PRPF31: variants seen among roughly 807,000 people sequenced by gnomAD.
The protein encoded by PRPF31 is U4/U6 small nuclear ribonucleoprotein Prp31.
In PRPF31, 12 loss-of-function variants were observed where a neutral mutation model predicts 60.4. The ratio of observed to expected loss-of-function variants is 0.20; its 90% CI spans 0.13 to 0.32. The LOEUF is 0.32. Ranked by LOEUF, PRPF31 falls within the 10% of genes least tolerant of loss-of-function variation. The pLI is 1.00. For synonymous variants in PRPF31, 287 were observed against 287.9 expected, an observed-to-expected ratio of 1.00 and a Z score of 0.03; for missense variants, 431 against 687.1, an observed-to-expected ratio of 0.63 and a Z score of 4.17.
intron 8 of PRPF31, chr19:54,124,977 G>A (rs1288264476): frequency 2.0e-6 from 1 of 507,512 alleles, no homozygotes; most frequent in Non-Finnish European, 3.6e-6. Context: ...CCTAGCTCAC[G>A]ACAAGCAGCG....
intron 1 of PRPF31, 65 bp from the exon 2 acceptor site, chr19:54,118,206 C>T (rs1352622612): frequency 9.3e-6 from 15 of 1,609,652 alleles, no homozygotes; most frequent in Middle Eastern, 2.3e-4. Context: ...GGAGAATCAT[C>T]GCTCAGTAAT....
At chr19:54,122,951 G>A in intron 5 of PRPF31, 1 of 482,634 alleles carries the variant, frequency 2.1e-6, no homozygotes, top group South Asian at 2.1e-5. Flanking sequence ...GAACAAGTGG[G>A]GAGGAAGTGA....
chr19:54,128,066 T>A lies in PRPF31; in HGVS notation c.946-7T>A. ...CAGCTGCAGGACCTCCCCCTCGCCC[T>A]CCCCAGGTGGGCTACGAACTGAAGG... On this transcript the variant is annotated splice_region_variant and splice_polypyrimidine_tract_variant and intron_variant, in intron 9 of 13. Transcript: ENST00000321030. 2 of 1,548,400 alleles carry A rather than the reference T, an allele frequency of 1.3e-6. No individual in the cohort carries two copies. Among genetic ancestry groups the A allele is most frequent in the Non-Finnish European group, 1.7e-6 (2 of 1,146,772 alleles).
In PRPF31 at chr19:54,131,653, C is replaced by G; in HGVS notation, c.*221C>G. Reference sequence around the variant, plus strand: ...AGAGCAGGTCTTCATCATGCCTTGTCTTTTTTAACTGAGAAAGGAGATTTT... The same window carrying G: ...AGAGCAGGTCTTCATCATGCCTTGTGTTTTTTAACTGAGAAAGGAGATTTT... On this transcript the variant is annotated 3_prime_UTR_variant, in exon 14 of 14. Transcript: ENST00000321030. The G allele has an allele frequency of 1.6e-6, 1 of 629,622 alleles. No homozygotes were observed. Among genetic ancestry groups the G allele is most frequent in the Non-Finnish European group, 2.8e-6 (1 of 360,598 alleles). 39.0% of individuals were successfully genotyped at this position (629,622 alleles called of 1,614,324 possible).
chr19:54,123,905 C>T lies in PRPF31; in HGVS notation c.684C>T (p.Ala228=), dbSNP rs181492006. ...NLSIIIGAST[A]AKIMGVAGGL... The stretch of plus-strand genomic sequence containing the variant: ...CCATCATTATCGGGGCATCCACGGC[C>T]GCCAAGATCATGGGTGAGTCCCCGG... Residue 228 remains alanine (A), a synonymous_variant, in exon 7 of 14, where the codon GCC becomes GCT. Coordinates refer to ENST00000321030, the MANE Select transcript of PRPF31 (RefSeq NM_015629.4). The T allele has an allele frequency of 3.0e-5, 49 of 1,613,790 alleles. No homozygotes were observed. Among genetic ancestry groups the T allele is most frequent in the Middle Eastern group, 1.7e-4 (1 of 6,060 alleles).
At position 54,131,391 on chromosome 19, in the gene PRPF31, C is replaced by G. The variant is rs1568603254; in HGVS notation, c.1459C>G (p.Leu487Val). The G allele has an allele frequency of 6.2e-7, 1 of 1,614,114 alleles. No individual in the cohort carries two copies. ...QKYFSSMAEF[L>V]KVKGEKSGLM... ...GTATTTCTCCAGCATGGCTGAGTTC[C>G]TCAAGGTCAAGGGCGAGAAGAGTGG... is the stretch of plus-strand genomic sequence containing the variant. The change falls in exon 14 of 14, where the codon CTC becomes GTC. Residue 487 changes from leucine to valine, a missense_variant. By Grantham distance (32) the Leu-to-Val change is conservative. Around this residue, in one of 4 missense-constraint regions of PRPF31, gnomAD observed 314 missense variants for 475.3 expected, o/e 0.66. Coordinates refer to ENST00000321030, the MANE Select transcript of PRPF31 (RefSeq NM_015629.4).
intron 13 of PRPF31, 115 bp from the exon 14 acceptor site, chr19:54,131,192 T>C (rs1160746837): frequency 3.5e-6 from 5 of 1,437,446 alleles, no homozygotes; most frequent in Non-Finnish European, 4.9e-6. Context: ...AGGCAAACTG[T>C]CTCATGCCCA....
intron 8 of PRPF31, 170 bp from the exon 9 acceptor site, chr19:54,126,358 C>T: frequency 4.4e-6 from 3 of 685,786 alleles, no homozygotes; most frequent in Non-Finnish European, 7.9e-6. Context: ...GCCCTCATCC[C>T]CTCTTCCTGT....
chr19:54,122,107 C>A, intron 4 of PRPF31, 164 bp downstream of exon 4: 2 of 779,434 alleles, frequency 2.6e-6, no homozygotes, highest in Non-Finnish European at 4.3e-6. Flanking sequence ...TGCGTTCTCT[C>A]GCGTATGAGT....
Position 54,131,350 on chromosome 19 carries a change from C to T in PRPF31, c.1418C>T (p.Ala473Val), listed in dbSNP as rs2074043450. 6.2e-7 allele frequency: 1 copy of T among 1,613,962 alleles called. No homozygotes were observed. The highest frequency in any genetic ancestry group is 1.3e-5 in the African/African-American group (1 of 74,952). The change falls in exon 14 of 14, where the codon GCT becomes GTT. Residue 473 changes from alanine to valine, a missense_variant. By Grantham distance (64) the Ala-to-Val change is moderately conservative (BLOSUM62 0). This residue lies in a region of PRPF31 where 314 missense variants were observed against 475.3 expected (regional missense o/e 0.66). Coordinates refer to ENST00000321030, the MANE Select transcript of PRPF31 (RefSeq NM_015629.4). Reference sequence around the variant, plus strand: ...CCACAGGCGGCAGAGAAGAAGGTGGCTGAGGCCAACCAGAAGTATTTCTCC... The same window carrying T: ...CCACAGGCGGCAGAGAAGAAGGTGGTTGAGGCCAACCAGAAGTATTTCTCC... The part of the protein sequence containing the change: ...VNPQAAEKKV[A>V]EANQKYFSSM...
intron 8 of PRPF31, chr19:54,125,403 G>A (rs1479930267): frequency 1.3e-5 from 2 of 152,898 alleles, no homozygotes; most frequent in African/African-American, 2.4e-5. Context: ...GGCTGAGGCA[G>A]GAGAATCGCT....
At chr19:54,116,281 T>G (rs1335230961) in intron 1 of PRPF31, among the ~76,000 whole-genome samples, 2 of 151,724 alleles carry the variant, frequency 1.3e-5, no homozygotes, top group Non-Finnish European at 2.9e-5. Flanking sequence ...CTCGGTTCAC[T>G]GCAACCTCCG....
intron 5 of PRPF31, 38 bp downstream of exon 5, chr19:54,122,632 A>G: frequency 6.5e-7 from 1 of 1,546,246 alleles, no homozygotes; most frequent in Non-Finnish European, 8.9e-7. Context: ...TGCTGGCGTG[A>G]AGGGGCAGGC....
At chr19:54,125,108 G>A (rs1257161806) in intron 8 of PRPF31, 1 of 253,566 alleles carries the variant, frequency 3.9e-6, no homozygotes, top group Non-Finnish European at 7.9e-6. Flanking sequence ...GGAGGGGCAG[G>A]AGAGGTCACC....
rs2073795895 is a variant in PRPF31, at chr19:54,121,803, G to A, written c.239-57G>A. 3.3e-6 allele frequency: 5 copies of A among 1,515,952 alleles called. No homozygotes were observed. The Admixed American group carries it at 7.7e-5, about 23-fold the overall frequency. The allele number at this position is 1,515,952 out of a possible 1,614,324, so 93.9% of individuals were successfully genotyped here. A position where few individuals can be genotyped will look rare whatever the true frequency, so the allele number is the denominator to read the frequency against. Reference sequence around the variant, plus strand: ...CATCCTCCGCCTCCTCCAGCTGCGGGACCCGAGAGGGGGTAGGGATTTAGA... The same window carrying A: ...CATCCTCCGCCTCCTCCAGCTGCGGAACCCGAGAGGGGGTAGGGATTTAGA... On this transcript the variant is annotated intron_variant, in intron 3 of 13. Coordinates refer to ENST00000321030, the MANE Select transcript of PRPF31 (RefSeq NM_015629.4).
intron 3 of PRPF31, 92 bp from the exon 4 acceptor site, chr19:54,121,768 C>G: frequency 7.8e-7 from 1 of 1,276,590 alleles, no homozygotes; most frequent in Non-Finnish European, 1.1e-6. Flanking sequence ...TTCCTGACCC[C>G]TCCCAACTTC....
chr19:54,129,012 C>T, intron 11 of PRPF31, 45 bp from the exon 12 acceptor site: 1 of 1,545,300 alleles, frequency 6.5e-7, no homozygotes, highest in South Asian at 1.2e-5. Flanking sequence ...GGCTGGAGGG[C>T]AGGGCCTGGT....
At position 54,124,611 on chromosome 19, in the gene PRPF31, C is replaced by T. The variant is rs377250632; in HGVS notation, c.810C>T (p.His270=). Residue 270 remains histidine, a synonymous_variant, in exon 8 of 14, where the codon CAC becomes CAT. Transcript: ENST00000321030. ...SGFSSTSVLP[H]TGYIYHSDIV... is the part of the protein sequence containing the mutation. ...TCTCGTCTACCTCAGTGCTGCCCCACACCGGCTACATCTACCACAGTGACA... is the reference window on the plus strand; with the variant it reads ...TCTCGTCTACCTCAGTGCTGCCCCATACCGGCTACATCTACCACAGTGACA... 1.2e-5 allele frequency: 19 copies of T among 1,613,576 alleles called. No homozygotes were observed. The African/African-American group carries it at 2.1e-4, about 18-fold the overall frequency.
intron 8 of PRPF31, 56 bp downstream of exon 8, chr19:54,124,712 C>T: frequency 6.3e-7 from 1 of 1,576,498 alleles, no homozygotes; most frequent in Non-Finnish European, 8.7e-7. Context: ...TTCCGCTGTG[C>T]CCAGACAGCC....
Sources: allele counts gnomAD v4.1 joint callset (sites outside exome capture counted in the v4.1 genomes callset), GRCh38; gene constraint gnomAD v4.1.1; regional missense constraint gnomAD v4.1.1; transcripts MANE v1.5; gene names NCBI Gene and HGNC (gene_info 2026-07-23, HGNC 2026-07-21).